CPXM2: variants seen among roughly 807,000 people sequenced by gnomAD.
CPXM2 encodes the protein inactive carboxypeptidase-like protein X2.
CPXM2 carries 66 observed loss-of-function variants against 86.1 expected under a neutral mutation model. The ratio of observed to expected loss-of-function variants is 0.77; its 90% CI spans 0.63 to 0.94. The LOEUF is 0.94. Ranked by LOEUF, CPXM2 falls within the 40% of genes least tolerant of loss-of-function variation. The pLI is 0.00. For missense variants in CPXM2, 948 were observed against 1,026.3 expected, an observed-to-expected ratio of 0.92 and a Z score of 1.04; for synonymous variants, 388 against 400.2, an observed-to-expected ratio of 0.97 and a Z score of 0.36.
chr10:123,839,908 A>T (rs983735419), intron 4 of CPXM2, among the ~76,000 whole-genome samples: 1 of 152,210 alleles, frequency 6.6e-6, no homozygotes. Context: ...AGTAACTCTT[A>T]AAGTAATTCT....
chr10:123,821,662 T>C (rs1847926753), intron 4 of CPXM2, among the ~76,000 whole-genome samples: 1 of 152,192 alleles, frequency 6.6e-6, no homozygotes, highest in South Asian at 2.1e-4. Flanking sequence ...GGGGGTAATG[T>C]TGTCCTCCAG....
At chr10:123,873,349 A>G (rs1218425462) in intron 2 of CPXM2, among the ~76,000 whole-genome samples, 1 of 152,240 alleles carries the variant, frequency 6.6e-6, no homozygotes, top group East Asian at 1.9e-4. Flanking sequence ...ATAAATTTCT[A>G]CAAGCGATAT....
intron 2 of CPXM2, among the ~76,000 whole-genome samples, chr10:123,875,807 C>CTT (rs780970130): frequency 1.1e-3 from 93 of 84,648 alleles, no homozygotes; most frequent in East Asian, 3.7e-3. Flanking sequence ...TCTTTTCTTT[C>CTT]TTTTTTTTTT....
chr10:123,877,804 A>G (rs931575741), intron 2 of CPXM2, among the ~76,000 whole-genome samples: 2 of 152,246 alleles, frequency 1.3e-5, no homozygotes, highest in African/African-American at 4.8e-5. Context: ...CACAGCTGAC[A>G]CTACTCCTTA....
At chr10:123,863,647 TCA>T (rs1221417325) in intron 2 of CPXM2, among the ~76,000 whole-genome samples, 1 of 152,142 alleles carries the variant, frequency 6.6e-6, no homozygotes, top group East Asian at 1.9e-4. Context: ...GGGTTAATCC[TCA>T]CACGACATAC....
At chr10:123,768,752 T>A in intron 8 of CPXM2, 30 bp from the exon 9 acceptor site, 1 of 1,596,626 alleles carries the variant, frequency 6.3e-7, no homozygotes, top group Non-Finnish European at 8.5e-7. Context: ...GAAGCACAGG[T>A]TCACGTTGAA....
chr10:123,872,927 G>GA (rs149595235), intron 2 of CPXM2, among the ~76,000 whole-genome samples: 1,742 of 143,688 alleles, frequency 0.012, 46 homozygotes, highest in African/African-American at 0.042. Flanking sequence ...CATAAAAAAA[G>GA]AAAAAAAAAA....
At chr10:123,775,328 A>G (rs1846759827) in intron 7 of CPXM2, among the ~76,000 whole-genome samples, 1 of 152,222 alleles carries the variant, frequency 6.6e-6, no homozygotes, top group East Asian at 1.9e-4. Context: ...CCTAACTGGC[A>G]GGCAATTCAC....
rs139555451 is a variant in CPXM2 at position 123,935,698 on chromosome 10, A to G, written n.174+3779T>C. Among the ~76,000 whole-genome samples, 9 of 152,292 alleles carry G rather than the reference A, an allele frequency of 5.9e-5. No individual in the cohort carries two copies. In the East Asian group the frequency reaches 1.5e-3, roughly 26 times the overall value. ...AAATAGCCCAGACAAGGATGCAGTC[A>G]GGGAGGGACTCTGAGTAAAGATCCA... On this transcript the variant is annotated intron_variant and non_coding_transcript_variant, in intron 2 of 19. Coordinates refer to the CPXM2 transcript ENST00000368854.
At chr10:123,831,961 G>A (rs1189967487) in intron 4 of CPXM2, among the ~76,000 whole-genome samples, 1 of 146,480 alleles carries the variant, frequency 6.8e-6, no homozygotes, top group East Asian at 2.0e-4. Flanking sequence ...GGGCGTGCCA[G>A]GGGGTGGGGG....
At chr10:123,880,512 C>T (rs541627991) in intron 1 of CPXM2, among the ~76,000 whole-genome samples, 3 of 152,170 alleles carry the variant, frequency 2.0e-5, no homozygotes, top group Admixed American at 1.3e-4. Flanking sequence ...AAGAAACACT[C>T]CTAATAAAAA....
Position 123,839,898 on chromosome 10 carries a change from AG to A in CPXM2, c.653+2450del, listed in dbSNP as rs1363009831. Among the ~76,000 whole-genome samples, 4 of 152,330 alleles carry A rather than the reference AG, an allele frequency of 2.6e-5. No homozygotes were observed. The East Asian group carries it at 7.7e-4, about 29-fold the overall frequency. On this transcript the variant is annotated intron_variant, in intron 4 of 13. Transcript: ENST00000241305. ...TTTGGCTTGAAATACATTTTTTAAA[AG>A]TAACTCTTAAAGTAATTCTATCCCT...
chr10:123,874,804 C>A (rs1590089098), intron 2 of CPXM2, among the ~76,000 whole-genome samples: 2 of 152,340 alleles, frequency 1.3e-5, no homozygotes, highest in African/African-American at 4.8e-5. Flanking sequence ...TAGAATGTCT[C>A]CCCTGTAAGT....
intron 7 of CPXM2, among the ~76,000 whole-genome samples, chr10:123,778,354 G>A (rs1303080569): frequency 6.6e-6 from 1 of 152,206 alleles, no homozygotes; most frequent in Non-Finnish European, 1.5e-5. Flanking sequence ...CAGGAGCCAG[G>A]AATCCAAATG....
chr10:123,784,581 G>T (rs1847007890), intron 6 of CPXM2, among the ~76,000 whole-genome samples: 2 of 152,112 alleles, frequency 1.3e-5, no homozygotes. Context: ...CTCAGACATG[G>T]TCATAAAAAT....
chr10:123,861,522 A>C (rs1208351285), intron 3 of CPXM2, among the ~76,000 whole-genome samples: 1 of 152,200 alleles, frequency 6.6e-6, no homozygotes, highest in Non-Finnish European at 1.5e-5. Context: ...TGAGGGTCAC[A>C]GATGGAATGA....
At chr10:123,899,577 G>A (rs976951554) in intron 2 of CPXM2, among the ~76,000 whole-genome samples, 10 of 152,204 alleles carry the variant, frequency 6.6e-5, no homozygotes, top group Admixed American at 1.3e-4. Flanking sequence ...AGCACTTTGC[G>A]AGGCCGAGGT....
chr10:123,833,793 C>T (rs1028334826), intron 4 of CPXM2, among the ~76,000 whole-genome samples: 1 of 152,146 alleles, frequency 6.6e-6, no homozygotes, highest in African/African-American at 2.4e-5. Context: ...GGATGTGGTC[C>T]GAGCACATTT....
rs150196081 is a variant in CPXM2 at position 123,908,930 on chromosome 10, A to G, written n.175-28621T>C. 3.3e-5 allele frequency among the ~76,000 whole-genome samples: 5 copies of G among 152,334 alleles called. No individual in the cohort carries two copies. In the East Asian group the frequency reaches 9.6e-4, roughly 29 times the overall value. On this transcript the variant is annotated intron_variant and non_coding_transcript_variant, in intron 2 of 19. Coordinates refer to the CPXM2 transcript ENST00000368854. Reference sequence around the variant, plus strand: ...ACTCTATGTAAATTTTGCTAACAGTACCTTATATCTTCAATTAAAAAAAAA... The same window carrying G: ...ACTCTATGTAAATTTTGCTAACAGTGCCTTATATCTTCAATTAAAAAAAAA...
Sources: gnomAD v4.1 joint callset for allele counts (sites outside exome capture counted in the v4.1 genomes callset) on GRCh38, gnomAD v4.1.1 for gene constraint, MANE v1.5 for transcripts, NCBI Gene and HGNC (gene_info 2026-07-23, HGNC 2026-07-21) for gene names.